Variants in DENND4C observed in about 807,000 individuals in gnomAD.
DENND4C encodes the protein DENN domain-containing protein 4C.
DENND4C carries 108 observed loss-of-function variants against 203.0 expected under a neutral mutation model. The observed-to-expected ratio is 0.53, with a 90% CI of 0.46 to 0.62. The LOEUF (loss-of-function observed/expected upper bound fraction) is 0.62. Among genes scored for constraint, DENND4C ranks in the 20% least tolerant of loss-of-function variants. The pLI is 0.00. For missense variants in DENND4C, 2,481 were observed against 2,301.2 expected (o/e 1.08, Z -1.60); for synonymous variants, 871 against 792.4 (o/e 1.10, Z -1.67).
chr9:19,281,119 T>G (rs1833966845), intron 2 of DENND4C, among the ~76,000 whole-genome samples: 2 of 152,196 alleles, frequency 1.3e-5, no homozygotes, highest in South Asian at 4.1e-4. Flanking sequence ...GATGTGAATC[T>G]CTGCAAAATT....
chr9:19,286,738 ATATC>A, intron 2 of DENND4C, 27 bp from the exon 3 acceptor site: 1 of 1,228,752 alleles, frequency 8.1e-7, no homozygotes, highest in Non-Finnish European at 1.0e-6. Flanking sequence ...GTATATATCT[ATATC>A]TATTTCTTCC....
chr9:19,234,732 A>C (rs1354134236), intron 1 of DENND4C, among the ~76,000 whole-genome samples: 1 of 151,568 alleles, frequency 6.6e-6, no homozygotes, highest in African/African-American at 2.4e-5. Flanking sequence ...TTGTAGAGAC[A>C]GCGTTTTGCC....
rs1211786134 is a variant in DENND4C at position 19,336,725 on chromosome 9, T to G, written c.2774T>G (p.Val925Gly). ...ACAGGTGGAAGTGATGGGGACACGG[T>G]GAGCCACGGTAGTGTGGATAGTTCT... ...NVTGGSDGDT[V>G]SHGSVDSSND... The change falls in exon 20 of 33, where the codon GTG becomes GGG. Residue 925 changes from valine (V) to glycine (G), a missense_variant. By Grantham distance (109) the Val-to-Gly change is moderately radical (BLOSUM62 -3). Around this residue, in one of 3 missense-constraint regions of DENND4C, gnomAD observed 2,289 missense variants for 2,113.3 expected, o/e 1.08. Coordinates refer to ENST00000434457, the MANE Select transcript of DENND4C (RefSeq NM_001330640.2). 3 of 1,551,148 alleles carry G rather than the reference T, an allele frequency of 1.9e-6. No homozygotes were observed. The African/African-American group carries it at 4.1e-5, about 21-fold the overall frequency.
At chr9:19,364,722 G>A (rs1186876186) in intron 30 of DENND4C, among the ~76,000 whole-genome samples, 4 of 151,976 alleles carry the variant, frequency 2.6e-5, no homozygotes, top group African/African-American at 2.4e-5. Flanking sequence ...ATAAAACCCC[G>A]CCTCTACTAA....
At chr9:19,320,558 C>T (rs971032057) in intron 12 of DENND4C, among the ~76,000 whole-genome samples, 1 of 152,168 alleles carries the variant, frequency 6.6e-6, no homozygotes, top group Non-Finnish European at 1.5e-5. Flanking sequence ...GGGTCAGTTA[C>T]ATTTCAAGTG....
intron 10 of DENND4C, among the ~76,000 whole-genome samples, chr9:19,315,923 C>T (rs375814500): frequency 4.1e-4 from 63 of 152,040 alleles, no homozygotes; most frequent in African/African-American, 1.4e-3. Context: ...CCAGGCTGGT[C>T]TGGCTTTGGT....
At chr9:19,288,075 A>G (rs926176358) in intron 3 of DENND4C, among the ~76,000 whole-genome samples, 4 of 152,232 alleles carry the variant, frequency 2.6e-5, no homozygotes, top group Admixed American at 2.6e-4. Flanking sequence ...TGAAGAAGAA[A>G]ATGAACATAA....
At chr9:19,316,263 TC>T (rs1334668300) in intron 10 of DENND4C, among the ~76,000 whole-genome samples, 153 bp from the exon 11 acceptor site, 4 of 152,212 alleles carry the variant, frequency 2.6e-5, no homozygotes, top group Non-Finnish European at 5.9e-5. Flanking sequence ...AAAGAGAACT[TC>T]CTTGAAATTC....
At chr9:19,332,395 C>T (rs981662981) in intron 17 of DENND4C, among the ~76,000 whole-genome samples, 1 of 151,928 alleles carries the variant, frequency 6.6e-6, no homozygotes, top group Non-Finnish European at 1.5e-5. Flanking sequence ...CTCACTCTGT[C>T]ACCCAGGCTG....
At chr9:19,267,871 G>C (rs1481403754) in intron 1 of DENND4C, among the ~76,000 whole-genome samples, 4 of 152,012 alleles carry the variant, frequency 2.6e-5, no homozygotes, top group Non-Finnish European at 5.9e-5. Context: ...GTCGGACTGT[G>C]CTTGTTTAAA....
intron 2 of DENND4C, among the ~76,000 whole-genome samples, chr9:19,284,950 C>G (rs1424388897): frequency 1.3e-5 from 2 of 152,052 alleles, no homozygotes; most frequent in Non-Finnish European, 2.9e-5. Flanking sequence ...GAGTCATAGT[C>G]TTTTCCCACT....
intron 10 of DENND4C, among the ~76,000 whole-genome samples, chr9:19,308,554 C>T (rs1289129206): frequency 6.6e-6 from 1 of 152,132 alleles, no homozygotes; most frequent in Non-Finnish European, 1.5e-5. Context: ...TATATATAAT[C>T]TGGAATTAAT....
chr9:19,352,311 C>A, intron 25 of DENND4C, 129 bp downstream of exon 25: 2 of 1,041,504 alleles, frequency 1.9e-6, no homozygotes, highest in Non-Finnish European at 2.7e-6. Context: ...GTTGAATTTG[C>A]TTGATGTCTT....
At chr9:19,289,933 T>C (rs898030618) in intron 4 of DENND4C, among the ~76,000 whole-genome samples, 5 of 152,066 alleles carry the variant, frequency 3.3e-5, no homozygotes, top group African/African-American at 9.7e-5. Flanking sequence ...AGAAAAGATA[T>C]CACTTAAAAA....
At chr9:19,304,402 T>C (rs897254500) in intron 9 of DENND4C, among the ~76,000 whole-genome samples, 3 of 152,098 alleles carry the variant, frequency 2.0e-5, no homozygotes, top group Non-Finnish European at 2.9e-5. Flanking sequence ...CAGGCTGGTC[T>C]CAAACTTCTG....
At chr9:19,337,773 A>G in intron 20 of DENND4C, 1 of 597,776 alleles carries the variant, frequency 1.7e-6, no homozygotes, top group Non-Finnish European at 2.6e-6. Context: ...AACAGTTTTC[A>G]TTTTCTTGCC....
intron 20 of DENND4C, among the ~76,000 whole-genome samples, chr9:19,338,357 T>C (rs1036684100): frequency 3.9e-5 from 6 of 152,202 alleles, no homozygotes; most frequent in Non-Finnish European, 7.3e-5. Context: ...TTCAGATTTT[T>C]AAGTTTACCT....
At chr9:19,340,681 G>A (rs2131916034) in intron 20 of DENND4C, among the ~76,000 whole-genome samples, 1 of 152,232 alleles carries the variant, frequency 6.6e-6, no homozygotes, top group Admixed American at 6.5e-5. Flanking sequence ...TATTCTTACA[G>A]AGAAGTTAGC....
chr9:19,277,858 A>G lies in DENND4C; in HGVS notation c.305+1379A>G, dbSNP rs1037307069. Among the ~76,000 whole-genome samples, 22 of 152,276 alleles carry G rather than the reference A, an allele frequency of 1.4e-4. 2 individuals carry two copies. Among genetic ancestry groups the G allele is most frequent in the Admixed American group, 4.6e-4 (7 of 15,292 alleles). On this transcript the variant is annotated intron_variant, in intron 2 of 32. Coordinates refer to ENST00000434457, the MANE Select transcript of DENND4C (RefSeq NM_001330640.2). ...TATTCCTAGTTTTCTGAGAGATTTT[A>G]TCAGGAAAGTGTGTTAAATTTTGTC... is the stretch of plus-strand genomic sequence containing the variant.
Sources: allele counts gnomAD v4.1 joint callset (sites outside exome capture counted in the v4.1 genomes callset), GRCh38; gene constraint gnomAD v4.1.1; regional missense constraint gnomAD v4.1.1; transcripts MANE v1.5; gene names NCBI Gene and HGNC (gene_info 2026-07-23, HGNC 2026-07-21).